The following RAD51C variants were observed in gnomAD, a reference collection of about 807,000 sequenced individuals.
RAD51C encodes RAD51 paralog C, also known as DNA repair protein RAD51 homolog 3.
Under a neutral mutation model 45.0 loss-of-function variants are expected in RAD51C, and 42 were observed. The observed-to-expected ratio is 0.93, with a 90% CI of 0.73 to 1.21. The LOEUF is 1.21. Among genes scored for constraint, RAD51C ranks in the 50% most tolerant of loss-of-function variants. The pLI, the probability that RAD51C is intolerant of heterozygous loss-of-function variation, is 0.00. For missense variants in RAD51C, 474 were observed against 452.2 expected, an observed-to-expected ratio of 1.05 and a Z score of -0.44; for synonymous variants, 172 against 159.8, an observed-to-expected ratio of 1.08 and a Z score of -0.58.
intron 2 of RAD51C, among the ~76,000 whole-genome samples, chr17:58,696,390 G>A (rs2048008097): frequency 6.6e-6 from 1 of 152,300 alleles, no homozygotes; most frequent in Middle Eastern, 3.4e-3. Flanking sequence ...CCTGGATCAC[G>A]TCACTGCACT....
chr17:58,734,001 C>A lies in RAD51C; in HGVS notation c.1027-117C>A, dbSNP rs919302016. The A allele has an allele frequency of 3.0e-5, 44 of 1,463,728 alleles. No homozygotes were observed. The South Asian group carries it at 5.5e-4, about 18-fold the overall frequency. 90.7% of individuals were successfully genotyped at this position (1,463,728 alleles called of 1,614,324 possible). ...AAAGTGCTGGGATTACAGGTGTGAG[C>A]CACTGCGCCTGGCCCTAGAATAAAG... On this transcript the variant is annotated intron_variant, in intron 8 of 8. Transcript: ENST00000337432.
chr17:58,695,329 G>C, intron 2 of RAD51C, 140 bp downstream of exon 2: 1 of 1,406,980 alleles, frequency 7.1e-7, no homozygotes, highest in Non-Finnish European at 9.2e-7. Context: ...ACAAAAATTA[G>C]CTTACTATTT....
At chr17:58,698,571 T>C (rs935983565) in intron 3 of RAD51C, among the ~76,000 whole-genome samples, 111 of 151,588 alleles carry the variant, frequency 7.3e-4, no homozygotes, top group Non-Finnish European at 1.1e-3. Context: ...TCAGGTGATC[T>C]GCCCACCTCG....
At chr17:58,694,854 AAT>A (rs2047936094) in intron 1 of RAD51C, 75 bp from the exon 2 acceptor site, 1 of 1,293,408 alleles carries the variant, frequency 7.7e-7, no homozygotes, top group African/African-American at 1.5e-5. Context: ...TCTACAAATT[AAT>A]AAAGACAATC....
Position 58,694,931 on chromosome 17 carries a change from A to G in RAD51C, c.146A>G (p.Glu49Gly), listed in dbSNP as rs750291220. Residue 49 changes from glutamate (E) to glycine (G), a missense_variant and splice_region_variant, in exon 2 of 9, where the codon GAA becomes GGA. Glu to Gly is a moderately conservative substitution (Grantham distance 98). Transcript: ENST00000337432. ...TCTTTTTTTCTTATTTTACTTTCAG[A>G]AGTTGGGATATCTAAAGCAGAAGCC... ...LEVKPSELSK[E>G]VGISKAEALE... is the part of the protein sequence containing the mutation. 1 of 1,611,586 alleles carries G rather than the reference A, an allele frequency of 6.2e-7. No individual in the cohort carries two copies. Among genetic ancestry groups the G allele is most frequent in the Non-Finnish European group, 8.5e-7 (1 of 1,177,834 alleles).
intron 3 of RAD51C, among the ~76,000 whole-genome samples, chr17:58,698,386 A>C (rs150446223): frequency 6.6e-6 from 1 of 151,068 alleles, no homozygotes; most frequent in Non-Finnish European, 1.5e-5. Flanking sequence ...GGGTTTCACT[A>C]TGTTAGCCAG....
At chr17:58,715,361 G>A (rs2048696091) in intron 5 of RAD51C, among the ~76,000 whole-genome samples, 1 of 150,402 alleles carries the variant, frequency 6.6e-6, no homozygotes, top group Non-Finnish European at 1.5e-5. Context: ...GGCTGAGGCA[G>A]GAGAATTGCT....
At chr17:58,693,546 G>A (rs1350662555) in intron 1 of RAD51C, 1 of 152,116 alleles carries the variant, frequency 6.6e-6, no homozygotes, top group East Asian at 1.9e-4. Flanking sequence ...AATAAGTCTC[G>A]TGGACCCAGC....
intron 3 of RAD51C, among the ~76,000 whole-genome samples, chr17:58,698,648 A>G (rs575119770): frequency 6.6e-6 from 1 of 151,130 alleles, no homozygotes; most frequent in East Asian, 2.1e-4. Flanking sequence ...TTTTTGAAAG[A>G]TAATTTATAG....
At chr17:58,717,378 T>A (rs1416584132) in intron 5 of RAD51C, among the ~76,000 whole-genome samples, 1 of 152,110 alleles carries the variant, frequency 6.6e-6, no homozygotes, top group African/African-American at 2.4e-5. Context: ...TGCAGTAAGC[T>A]ATGATTGTGT....
intron 5 of RAD51C, among the ~76,000 whole-genome samples, chr17:58,714,477 G>C (rs2048662921): frequency 6.6e-6 from 1 of 151,720 alleles, no homozygotes; most frequent in Non-Finnish European, 1.5e-5. Context: ...TTATATCTTT[G>C]AGACGGAGTC....
rs35442906 is a variant in RAD51C, at chr17:58,715,454, C to CAA, written c.838-5272_838-5271dup. Among the ~76,000 whole-genome samples, 132 of 91,138 alleles carry CAA rather than the reference C, an allele frequency of 1.4e-3. 1 individual carries two copies. The highest frequency in any genetic ancestry group is 3.9e-3 in the African/African-American group (94 of 23,848). The allele number at this position is 91,138 out of a possible 152,430, so 59.8% of individuals were successfully genotyped here. A position where few individuals can be genotyped will look rare whatever the true frequency, so the allele number is the denominator to read the frequency against. On this transcript the variant is annotated intron_variant, in intron 5 of 8. Transcript: ENST00000337432. ...GGGCAACAAGAGCGAAACTCTGTCT[C>CAA]AAAAAAAAAAAAAAAAAAAAACCCT...
rs559414344 is a variant in RAD51C at position 58,703,846 on chromosome 17, G to A, written c.705+517G>A. On this transcript the variant is annotated intron_variant, in intron 4 of 8. Transcript: ENST00000337432. The stretch of plus-strand genomic sequence containing the variant: ...TGTAGCTGTAGTCTCAGCTACCAAG[G>A]GCTGGGTGGAGCAGGCCTGAGGTGG... 1.4e-4 allele frequency among the ~76,000 whole-genome samples: 21 copies of A among 151,940 alleles called. No individual in the cohort carries two copies. In the South Asian group the frequency reaches 3.7e-3, roughly 27 times the overall value.
chr17:58,717,208 G>A (rs1436335897), intron 5 of RAD51C, among the ~76,000 whole-genome samples: 2 of 151,910 alleles, frequency 1.3e-5, no homozygotes, highest in Admixed American at 6.6e-5. Flanking sequence ...GGAGTTCGAA[G>A]TTAATCTGGG....
intron 5 of RAD51C, among the ~76,000 whole-genome samples, chr17:58,717,417 G>A (rs1276094555): frequency 6.6e-6 from 1 of 151,796 alleles, no homozygotes. Context: ...GTGACAGAGT[G>A]AGACCCCATT....
At chr17:58,710,317 TAAAAAAAA>T (rs71143280) in intron 5 of RAD51C, among the ~76,000 whole-genome samples, 1 of 67,416 alleles carries the variant, frequency 1.5e-5, no homozygotes, top group Non-Finnish European at 2.7e-5. Flanking sequence ...CTGTCTCTAC[TAAAAAAAA>T]AAAAAAAAAA....
chr17:58,713,824 A>G (rs2048638493), intron 5 of RAD51C, among the ~76,000 whole-genome samples: 1 of 151,816 alleles, frequency 6.6e-6, no homozygotes, highest in African/African-American at 2.4e-5. Flanking sequence ...AAATAAATAA[A>G]TAAGTTTTTT....
chr17:58,717,543 C>T (rs1372882890), intron 5 of RAD51C, among the ~76,000 whole-genome samples: 1 of 152,050 alleles, frequency 6.6e-6, no homozygotes, highest in African/African-American at 2.4e-5. Context: ...TCGAGACCAG[C>T]CTGACCAACA....
chr17:58,694,200 T>C (rs2047907718), intron 1 of RAD51C: 1 of 151,490 alleles, frequency 6.6e-6, no homozygotes, highest in African/African-American at 2.4e-5. Context: ...AAATAATACA[T>C]GCATATGTGC....
Sources: gnomAD v4.1 joint callset for allele counts (sites outside exome capture counted in the v4.1 genomes callset) on GRCh38, gnomAD v4.1.1 for gene constraint, MANE v1.5 for transcripts, NCBI Gene and HGNC (gene_info 2026-07-23, HGNC 2026-07-21) for gene names.